Variants in SUN3 observed in about 807,000 individuals in gnomAD.
The protein encoded by SUN3 is Sad1 and UNC84 domain containing 3, also known as SUN domain-containing protein 3.
SUN3 carries 36 observed loss-of-function variants against 48.2 expected under a neutral mutation model. That is an observed-to-expected ratio of 0.75 (90% CI 0.57 to 0.99). The LOEUF (loss-of-function observed/expected upper bound fraction) is 0.99, where lower values mean the gene tolerates loss of function less well. SUN3 is among the 50% of genes least tolerant of loss of function. The pLI is 0.00. For missense variants in SUN3, 419 were observed against 433.1 expected, an observed-to-expected ratio of 0.97 and a Z score of 0.29; for synonymous variants, 148 against 147.9, an observed-to-expected ratio of 1.00 and a Z score of 0.00.
chr7:48,005,854 C>T, intron 6 of SUN3, 115 bp downstream of exon 6: 3 of 514,990 alleles, frequency 5.8e-6, no homozygotes, highest in Non-Finnish European at 3.4e-6. Context: ...TTAATTTCCC[C>T]CCCCCAAGTT....
At chr7:48,000,496 G>C (rs1789332845) in intron 6 of SUN3, among the ~76,000 whole-genome samples, 1 of 152,150 alleles carries the variant, frequency 6.6e-6, no homozygotes, top group African/African-American at 2.4e-5. Flanking sequence ...TAAGTCCCGA[G>C]TTTCTTTTTG....
At chr7:47,993,307 T>G (rs1392732840) in intron 8 of SUN3, among the ~76,000 whole-genome samples, 3 of 152,134 alleles carry the variant, frequency 2.0e-5, no homozygotes, top group Non-Finnish European at 4.4e-5. Flanking sequence ...GTCTTAGGTA[T>G]ACACCCAAGG....
intron 6 of SUN3, among the ~76,000 whole-genome samples, chr7:47,997,054 C>T (rs897511891): frequency 6.6e-6 from 1 of 152,156 alleles, no homozygotes; most frequent in Non-Finnish European, 1.5e-5. Flanking sequence ...CCCACCTCGG[C>T]CTCCCAAAGT....
At chr7:47,988,616 T>C (rs1788964030) in intron 9 of SUN3, among the ~76,000 whole-genome samples, 172 bp downstream of exon 9, 1 of 152,250 alleles carries the variant, frequency 6.6e-6, no homozygotes, top group African/African-American at 2.4e-5. Flanking sequence ...TGTCTGTCTT[T>C]TGCATTAAAA....
At chr7:47,995,694 TTG>T (rs1789191321) in intron 7 of SUN3, among the ~76,000 whole-genome samples, 1 of 152,212 alleles carries the variant, frequency 6.6e-6, no homozygotes, top group Non-Finnish European at 1.5e-5. Context: ...CAACAAATGT[TTG>T]TTGAATGACT....
chr7:47,987,555 A>G (rs1184925755), intron 9 of SUN3, 106 bp from the exon 10 acceptor site: 2 of 1,121,236 alleles, frequency 1.8e-6, no homozygotes, highest in African/African-American at 1.6e-5. Flanking sequence ...TTTTTTCGAG[A>G]TAGGATCTGG....
chr7:48,025,250 T>A (rs937782603), intron 2 of SUN3, among the ~76,000 whole-genome samples: 1 of 152,092 alleles, frequency 6.6e-6, no homozygotes, highest in African/African-American at 2.4e-5. Context: ...AACTGACACA[T>A]GATAGGATAT....
In SUN3 at chr7:48,006,050, C is replaced by G. The variant is rs757066331; in HGVS notation, c.496G>C (p.Val166Leu). Residue 166 changes from valine (V) to leucine (L), a missense_variant, in exon 6 of 10, where the codon GTG becomes CTG. By Grantham distance (32) the Val-to-Leu change is conservative. Coordinates refer to ENST00000297325, the MANE Select transcript of SUN3 (RefSeq NM_001030019.2). ...AGTACATAATTGACCAAGTTTGACA[C>G]TTCCTGTAGAAATTTTATAAACAGT... is the stretch of plus-strand genomic sequence containing the variant. Reference protein sequence around the residue: ...PVEDPDHTEEVSNLVNYVLKK... With the variant: ...PVEDPDHTEELSNLVNYVLKK... 131 of 1,592,500 alleles carry G rather than the reference C, an allele frequency of 8.2e-5. No individual in the cohort carries two copies. The highest frequency in any genetic ancestry group is 1.1e-4 in the Non-Finnish European group (126 of 1,166,608).
chr7:48,029,111 T>G (rs967614431), upstream of SUN3: 4 of 926,550 alleles, frequency 4.3e-6, no homozygotes, highest in African/African-American at 6.7e-5. Context: ...AGCTTCTGAT[T>G]CTTCTGTTGC....
At chr7:48,012,432 G>A (rs1667222224) in intron 3 of SUN3, among the ~76,000 whole-genome samples, 1 of 150,310 alleles carries the variant, frequency 6.7e-6, no homozygotes, top group Admixed American at 6.6e-5. Flanking sequence ...GAGACCCAAA[G>A]CTTTATGCCT....
intron 2 of SUN3, among the ~76,000 whole-genome samples, chr7:48,024,707 A>C (rs950376341): frequency 2.0e-5 from 3 of 151,460 alleles, no homozygotes; most frequent in Non-Finnish European, 4.4e-5. Context: ...GGTGGAAGGC[A>C]AAGGAGGAGC....
At chr7:48,010,930 G>A (rs1273893920) in intron 3 of SUN3, among the ~76,000 whole-genome samples, 5 of 152,110 alleles carry the variant, frequency 3.3e-5, no homozygotes, top group Admixed American at 6.6e-5. Context: ...ACTTCTGGTG[G>A]CTCTGGGCAT....
At chr7:47,988,940 A>C (rs1297987721) in intron 8 of SUN3, 60 bp from the exon 9 acceptor site, 2 of 990,998 alleles carry the variant, frequency 2.0e-6, no homozygotes, top group Non-Finnish European at 3.1e-6. Context: ...TGTTTTCAAA[A>C]AGAACCAACA....
chr7:47,988,407 C>T (rs1788958479), intron 9 of SUN3, among the ~76,000 whole-genome samples: 2 of 152,158 alleles, frequency 1.3e-5, no homozygotes, highest in African/African-American at 4.8e-5. Flanking sequence ...TTCCTTTGAG[C>T]TTCTCTCTGC....
chr7:48,010,966 C>T (rs1203064704), intron 3 of SUN3, among the ~76,000 whole-genome samples: 1 of 152,156 alleles, frequency 6.6e-6, no homozygotes, highest in East Asian at 1.9e-4. Context: ...TGCATCACTC[C>T]AGTCTCTGCC....
Position 48,007,149 on chromosome 7 carries a change from T to G in SUN3, c.492+16A>C. 23 of 1,258,468 alleles carry G rather than the reference T, an allele frequency of 1.8e-5. No homozygotes were observed. Among genetic ancestry groups the G allele is most frequent in the Non-Finnish European group, 2.5e-5 (22 of 897,130 alleles). 78.0% of individuals were successfully genotyped at this position (1,258,468 alleles called of 1,614,324 possible). Reference sequence around the variant, plus strand: ...ACCACCCCACCCTGCCCAACCCGCCTAGCCTCATCCAGGACCTCTGTGTGG... The same window carrying G: ...ACCACCCCACCCTGCCCAACCCGCCGAGCCTCATCCAGGACCTCTGTGTGG... On this transcript the variant is annotated intron_variant, in intron 5 of 9. Transcript: ENST00000297325.
intron 3 of SUN3, among the ~76,000 whole-genome samples, chr7:48,010,407 G>A (rs888985562): frequency 2.2e-4 from 33 of 152,218 alleles, no homozygotes; most frequent in African/African-American, 7.2e-4. Context: ...TCGAGGGATG[G>A]CTCCTGACAT....
At chr7:47,995,805 T>C (rs568331653) in intron 7 of SUN3, among the ~76,000 whole-genome samples, 16 of 152,354 alleles carry the variant, frequency 1.1e-4, no homozygotes, top group African/African-American at 3.8e-4. Flanking sequence ...AGTTTACTAA[T>C]CTTAAAATGA....
upstream of SUN3, among the ~76,000 whole-genome samples, chr7:48,032,815 G>A (rs1290068602): frequency 1.7e-5 from 2 of 116,182 alleles, no homozygotes; most frequent in East Asian, 4.3e-4. Context: ...ACAAGGCAGG[G>A]CAAAAGTGGG....
Sources: allele counts gnomAD v4.1 joint callset (sites outside exome capture counted in the v4.1 genomes callset), GRCh38; gene constraint gnomAD v4.1.1; transcripts MANE v1.5; gene names NCBI Gene and HGNC (gene_info 2026-07-23, HGNC 2026-07-21).